NAV2: variants seen among roughly 807,000 people sequenced by gnomAD.
NAV2 encodes neuron navigator 2.
A neutral mutation model predicts 223.2 loss-of-function variants in NAV2; 54 were observed. The ratio of observed to expected loss-of-function variants is 0.24; its 90% CI spans 0.19 to 0.30. NAV2 has a LOEUF of 0.30. Ranked by LOEUF, NAV2 falls within the 10% of genes least tolerant of loss-of-function variation. NAV2 has a pLI of 1.00. For missense variants in NAV2, 2,806 were observed against 3,147.5 expected (o/e 0.89, Z 2.60); for synonymous variants, 1,279 against 1,239.3 (o/e 1.03, Z -0.67).
At chr11:19,570,599 A>G (rs1270686169) in intron 1 of NAV2, among the ~76,000 whole-genome samples, 1 of 152,230 alleles carries the variant, frequency 6.6e-6, no homozygotes, top group Non-Finnish European at 1.5e-5. Context: ...ATTAAAATAA[A>G]TAAACCAATT....
intron 8 of NAV2, among the ~76,000 whole-genome samples, chr11:19,941,278 G>A (rs1271515339): frequency 3.3e-5 from 5 of 151,980 alleles, no homozygotes; most frequent in African/African-American, 9.7e-5. Flanking sequence ...AATCGGCTGC[G>A]GGGAAGAGAC....
rs1349785733 is a variant in NAV2, at chr11:19,726,144, C to T, written c.267+12182C>T. Among the ~76,000 whole-genome samples, 3 of 152,200 alleles carry T rather than the reference C, an allele frequency of 2.0e-5. No homozygotes were observed. The East Asian group carries it at 5.8e-4, about 29-fold the overall frequency. ...TAAAAGAAATGGGAAAGGAAAAATC[C>T]CTTCAGTGGTTTAAAAATATCTCTT... On this transcript the variant is annotated intron_variant, in intron 1 of 37. Coordinates refer to ENST00000349880, the MANE Select transcript of NAV2 (RefSeq NM_145117.5).
At chr11:19,411,536 T>A (rs767545721) in intron 1 of NAV2, among the ~76,000 whole-genome samples, 6 of 152,164 alleles carry the variant, frequency 3.9e-5, no homozygotes, top group Non-Finnish European at 7.3e-5. Flanking sequence ...CATTTATTAT[T>A]TATCAAGAGG....
In NAV2 at chr11:19,712,854, GC is replaced by G. The variant is rs1213477223; in HGVS notation, c.-838del. Among the ~76,000 whole-genome samples the G allele has an allele frequency of 6.6e-6, 1 of 151,198 alleles. No individual in the cohort carries two copies. Among genetic ancestry groups the G allele is most frequent in the African/African-American group, 2.4e-5 (1 of 41,316 alleles). On this transcript the variant is annotated 5_prime_UTR_variant, in exon 1 of 38. Transcript: ENST00000349880. ...AGCAGCCTGTCCTCCCCTGCGCTGA[GC>G]CCCGCAGCCAGCGCAGCCTTCCCGG... is the stretch of plus-strand genomic sequence containing the variant.
intron 17 of NAV2, among the ~76,000 whole-genome samples, chr11:20,052,823 A>G (rs2058096885): frequency 6.6e-6 from 1 of 152,176 alleles, no homozygotes. Context: ...CACACTGACA[A>G]CATCTTTCCT....
intron 1 of NAV2, among the ~76,000 whole-genome samples, chr11:19,510,583 T>C (rs1048669242): frequency 1.3e-5 from 2 of 151,996 alleles, no homozygotes; most frequent in Non-Finnish European, 2.9e-5. Context: ...TGAGAGGAGG[T>C]TAATTACGTT....
upstream of NAV2, among the ~76,000 whole-genome samples, chr11:19,347,602 T>G (rs763436637): frequency 6.6e-6 from 1 of 152,160 alleles, no homozygotes; most frequent in Non-Finnish European, 1.5e-5. Context: ...GGGCTTGCCC[T>G]CAATGCTCCC....
chr11:19,551,897 TTCTCTCTC>T (rs59538869), intron 1 of NAV2, among the ~76,000 whole-genome samples: 5 of 149,294 alleles, frequency 3.3e-5, no homozygotes, highest in South Asian at 2.1e-4. Context: ...TCCTCTCCTC[TTCTCTCTC>T]TCTCTCTCTC....
At chr11:19,449,551 C>T (rs970785659) in intron 1 of NAV2, among the ~76,000 whole-genome samples, 2 of 150,774 alleles carry the variant, frequency 1.3e-5, no homozygotes, top group Admixed American at 6.6e-5. Flanking sequence ...ACCGCCACCT[C>T]CCAGGGCTGG....
At chr11:19,506,519 A>G (rs2043128622) in intron 1 of NAV2, 1 of 152,244 alleles carries the variant, frequency 6.6e-6, no homozygotes, top group South Asian at 2.1e-4. Flanking sequence ...GGGGCTGATC[A>G]TACCTATCTA....
intron 1 of NAV2, among the ~76,000 whole-genome samples, chr11:19,786,064 GAC>G: frequency 6.6e-6 from 1 of 152,294 alleles, no homozygotes; most frequent in South Asian, 2.1e-4. Flanking sequence ...AAAGGGCAAA[GAC>G]AGGAATTTGG....
At chr11:19,859,969 G>A (rs1408098304) in intron 3 of NAV2, among the ~76,000 whole-genome samples, 1 of 129,864 alleles carries the variant, frequency 7.7e-6, no homozygotes, top group Admixed American at 7.3e-5. Context: ...CTCACCTCCC[G>A]GATGGGGCGG....
At chr11:19,943,303 T>C (rs2046559767) in intron 8 of NAV2, among the ~76,000 whole-genome samples, 1 of 152,160 alleles carries the variant, frequency 6.6e-6, no homozygotes, top group African/African-American at 2.4e-5. Context: ...GGGGAAGGTA[T>C]AATAGACATT....
chr11:19,596,021 T>C (rs2046198810), intron 1 of NAV2, among the ~76,000 whole-genome samples: 1 of 152,246 alleles, frequency 6.6e-6, no homozygotes, highest in Non-Finnish European at 1.5e-5. Flanking sequence ...AATTTTCTGT[T>C]TTTTTTATTA....
chr11:19,705,927 A>G (rs1384685800), intron 1 of NAV2, among the ~76,000 whole-genome samples: 1 of 152,158 alleles, frequency 6.6e-6, no homozygotes, highest in Non-Finnish European at 1.5e-5. Flanking sequence ...AGATGACAAT[A>G]TAGCTTGACC....
At chr11:19,431,057 G>A (rs1851019451) in intron 1 of NAV2, among the ~76,000 whole-genome samples, 1 of 152,194 alleles carries the variant, frequency 6.6e-6, no homozygotes, top group Non-Finnish European at 1.5e-5. Flanking sequence ...CCTTATTTTA[G>A]CTTTGTTAAA....
intron 24 of NAV2, 103 bp from the exon 25 acceptor site, chr11:20,079,961 C>A: frequency 7.7e-7 from 1 of 1,296,510 alleles, no homozygotes; most frequent in Non-Finnish European, 1.1e-6. Context: ...GGAAAACACC[C>A]AGTAGTCCTC....
intron 26 of NAV2, 51 bp from the exon 27 acceptor site, chr11:20,090,814 G>A (rs1202273277): frequency 6.3e-7 from 1 of 1,586,492 alleles, no homozygotes; most frequent in Non-Finnish European, 8.6e-7. Context: ...CCAGTGTTCA[G>A]TAGGGGACTA....
At chr11:19,538,192 G>A (rs1351871356) in intron 1 of NAV2, among the ~76,000 whole-genome samples, 1 of 152,170 alleles carries the variant, frequency 6.6e-6, no homozygotes, top group Non-Finnish European at 1.5e-5. Flanking sequence ...ATCCTGGTGA[G>A]GTCCAATAAC....
Sources: allele counts gnomAD v4.1 joint callset (sites outside exome capture counted in the v4.1 genomes callset), GRCh38; gene constraint gnomAD v4.1.1; transcripts MANE v1.5; gene names NCBI Gene and HGNC (gene_info 2026-07-23, HGNC 2026-07-21).